The following RSPH4A variants were observed in gnomAD, a reference collection of about 807,000 sequenced individuals.
RSPH4A encodes radial spoke head protein 4 homolog A.
Under a neutral mutation model 71.0 loss-of-function variants are expected in RSPH4A, and 47 were observed. The observed-to-expected ratio is 0.66, with a 90% CI of 0.52 to 0.84. The LOEUF (loss-of-function observed/expected upper bound fraction) is 0.84, where lower values mean the gene tolerates loss of function less well. RSPH4A is among the 40% of genes least tolerant of loss of function. The probability of loss-of-function intolerance (pLI) is 0.00; values close to 1 mark genes in which losing one functional copy is unlikely to be tolerated. For missense variants in RSPH4A, 793 were observed against 855.2 expected (o/e 0.93, Z 0.91); for synonymous variants, 282 against 302.3 (o/e 0.93, Z 0.70).
chr6:116,630,081 A>G (rs1025765877), intron 4 of RSPH4A, among the ~76,000 whole-genome samples: 3 of 152,120 alleles, frequency 2.0e-5, no homozygotes, highest in African/African-American at 7.2e-5. Flanking sequence ...CTTTCCCTTC[A>G]GTTTTGGAGT....
At chr6:116,626,726 A>G (rs1395052480) in intron 2 of RSPH4A, among the ~76,000 whole-genome samples, 1 of 147,620 alleles carries the variant, frequency 6.8e-6, no homozygotes, top group Non-Finnish European at 1.5e-5. Flanking sequence ...AATTTTTCTC[A>G]TTATTTTAAA....
In RSPH4A at chr6:116,616,634, C is replaced by G. The variant is rs1554247978; in HGVS notation, c.11C>G (p.Ser4Ter). Residue 4 changes from serine (S) to a stop codon, truncating the protein, a stop_gained, in exon 1 of 6, where the codon TCA becomes TGA. Transcript: ENST00000229554. LOFTEE classifies it high-confidence loss of function. ...TCTTGAACTGCTTCCATGGAGGACT[C>G]AACCTCCCCGAAGCAAGAAAAAGAA... MED[S>*]TSPKQEKENQ... is the part of the protein sequence containing the mutation. The G allele has an allele frequency of 6.2e-7, 1 of 1,612,904 alleles. No individual in the cohort carries two copies. The highest frequency in any genetic ancestry group is 8.5e-7 in the Non-Finnish European group (1 of 1,179,320).
intron 2 of RSPH4A, among the ~76,000 whole-genome samples, chr6:116,626,662 TC>T: frequency 6.6e-6 from 1 of 152,296 alleles, no homozygotes; most frequent in East Asian, 1.9e-4. Flanking sequence ...GTTTCTATGG[TC>T]CATTTAAGAC....
Position 116,617,041 on chromosome 6 carries a change from C to A in RSPH4A, c.418C>A (p.His140Asn), listed in dbSNP as rs753180816. The change falls in exon 1 of 6, where the codon CAT becomes AAT. Residue 140 changes from histidine to asparagine, a missense_variant. Transcript: ENST00000229554. ...QSSDKRESTPHHTSQSEGNTF... is the reference protein window; with the variant it reads ...QSSDKRESTPNHTSQSEGNTF... ...ATCTGATAAAAGAGAATCAACTCCT[C>A]ATCACACAAGCCAGTCAGAAGGAAA... 7 of 1,614,228 alleles carry A rather than the reference C, an allele frequency of 4.3e-6. No individual in the cohort carries two copies. The highest frequency in any genetic ancestry group is 5.9e-6 in the Non-Finnish European group (7 of 1,180,048).
chr6:116,626,590 C>T (rs1472779131), intron 2 of RSPH4A, among the ~76,000 whole-genome samples: 1 of 152,162 alleles, frequency 6.6e-6, no homozygotes, highest in Non-Finnish European at 1.5e-5. Context: ...ATCCACCTGG[C>T]TCGGCCTCCC....
At chr6:116,623,097 CTTGTTTTGTTTTGTT>C (rs3033963) in intron 2 of RSPH4A, 95 bp downstream of exon 2, 4 of 762,666 alleles carry the variant, frequency 5.2e-6, no homozygotes, top group South Asian at 1.6e-5. Context: ...TATTTTATAG[CTTGTTTTGTTTTGTT>C]TTGTTTTGTT....
intron 3 of RSPH4A, 102 bp downstream of exon 3, chr6:116,628,471 CTATT>C (rs576285855): frequency 1.8e-4 from 162 of 899,908 alleles, no homozygotes; most frequent in African/African-American, 1.5e-3. Flanking sequence ...CCTTTGGACT[CTATT>C]TAATAGGCAG....
rs773564556 is a variant in RSPH4A at position 116,628,213 on chromosome 6, T to TGGA, written c.1506_1507insGGA (p.Phe502_Tyr503insGly). The TGGA allele has an allele frequency of 1.9e-6, 3 of 1,613,916 alleles. No homozygotes were observed. Among genetic ancestry groups the TGGA allele is most frequent in the Non-Finnish European group, 2.5e-6 (3 of 1,179,858 alleles). ...GAACCCACGTCAGTCCTCTAGGATTTTATCAGTTTGGTGAAGAGGAAGGAG... is the reference window on the plus strand; with the variant it reads ...GAACCCACGTCAGTCCTCTAGGATTTGGATATCAGTTTGGTGAAGAGGAAGGAG... On this transcript the variant is annotated inframe_insertion, in exon 3 of 6. Coordinates refer to ENST00000229554, the MANE Select transcript of RSPH4A (RefSeq NM_001010892.3).
chr6:116,627,668 T>A lies in RSPH4A; in HGVS notation c.961T>A (p.Tyr321Asn). 6.2e-7 allele frequency: 1 copy of A among 1,614,226 alleles called. No homozygotes were observed. Among genetic ancestry groups the A allele is most frequent in the Non-Finnish European group, 8.5e-7 (1 of 1,180,054 alleles). Residue 321 changes from tyrosine to asparagine, a missense_variant, in exon 3 of 6, where the codon TAT (tyrosine) becomes AAT (asparagine). By Grantham distance (143) the Tyr-to-Asn change is moderately radical. Transcript: ENST00000229554. ...TCCAAATGTAATGGAGTCAGCTTTT[T>A]ATTTTGAACAAGCTGGAGTTGGTTT... ...ALPNVMESAF[Y>N]FEQAGVGLGT... is the part of the protein sequence containing the mutation.
chr6:116,617,910 GT>G, intron 1 of RSPH4A, among the ~76,000 whole-genome samples: 1 of 152,242 alleles, frequency 6.6e-6, no homozygotes, highest in East Asian at 1.9e-4. Context: ...GTCTACATAT[GT>G]TCTGCCCATC....
Position 116,627,783 on chromosome 6 carries a change from T to A in RSPH4A, c.1076T>A (p.Ile359Asn). 6.2e-7 allele frequency: 1 copy of A among 1,614,068 alleles called. No homozygotes were observed. The highest frequency in any genetic ancestry group is 8.5e-7 in the Non-Finnish European group (1 of 1,180,014). ...CAAAGATGCCGCTTCTGGGGAAAGA[T>A]CTTGGGTCTGGAAATGAATTATATT... ...PIQRCRFWGKILGLEMNYIVA... is the reference protein window; with the variant it reads ...PIQRCRFWGKNLGLEMNYIVA... The change falls in exon 3 of 6, where the codon ATC becomes AAC. Residue 359 changes from isoleucine (I) to asparagine (N), a missense_variant. By Grantham distance (149) the Ile-to-Asn change is moderately radical. Coordinates refer to ENST00000229554, the MANE Select transcript of RSPH4A (RefSeq NM_001010892.3).
Position 116,628,476 on chromosome 6 carries a change from T to TAATA in RSPH4A, c.1662+108_1662+111dup. On this transcript the variant is annotated intron_variant, in intron 3 of 5. Coordinates refer to ENST00000229554, the MANE Select transcript of RSPH4A (RefSeq NM_001010892.3). ...AAAATAAAGGCCTTTGGACTCTATT[T>TAATA]AATAGGCAGGAAAAGAGATAATTAA... 3.5e-6 allele frequency: 3 copies of TAATA among 865,628 alleles called. No individual in the cohort carries two copies. The Middle Eastern group carries it at 7.0e-4, about 203-fold the overall frequency. The allele number at this position is 865,628 out of a possible 1,614,324, so 53.6% of individuals were successfully genotyped here.
chr6:116,626,985 A>C (rs1326868215), intron 2 of RSPH4A, among the ~76,000 whole-genome samples: 1 of 152,158 alleles, frequency 6.6e-6, no homozygotes, highest in African/African-American at 2.4e-5. Flanking sequence ...GTTATTCTAC[A>C]TCTTCTTTTA....
chr6:116,625,009 G>T (rs1231610633), intron 2 of RSPH4A, among the ~76,000 whole-genome samples: 3 of 151,946 alleles, frequency 2.0e-5, no homozygotes, highest in African/African-American at 7.3e-5. Flanking sequence ...CAACTAGCTT[G>T]CTAGTTGTGT....
chr6:116,627,836 G>T lies in RSPH4A; in HGVS notation c.1129G>T (p.Glu377Ter). ...IVAEVEFREG[E>*]DEEEVEEEDV... ...AGCTGAAGTGGAATTTCGTGAGGGG[G>T]AAGATGAAGAGGAAGTGGAAGAGGA... Residue 377 changes from glutamate to a stop codon, truncating the protein, a stop_gained, in exon 3 of 6, where the codon GAA (glutamate) becomes TAA (stop). Coordinates refer to ENST00000229554, the MANE Select transcript of RSPH4A (RefSeq NM_001010892.3). LOFTEE classifies it high-confidence loss of function. The T allele has an allele frequency of 1.9e-6, 3 of 1,614,140 alleles. No individual in the cohort carries two copies. Among genetic ancestry groups the T allele is most frequent in the Non-Finnish European group, 2.5e-6 (3 of 1,179,986 alleles).
intron 4 of RSPH4A, 127 bp from the exon 5 acceptor site, chr6:116,630,296 TTTTTTCTTTCTG>T (rs1255943825): frequency 1.4e-6 from 1 of 727,242 alleles, no homozygotes; most frequent in Non-Finnish European, 2.5e-6. Context: ...GTTGCTGCTG[TTTTTTCTTTCTG>T]TATCAAGTAT....
chr6:116,617,002 C>A lies in RSPH4A; in HGVS notation c.379C>A (p.Pro127Thr). 1 of 1,614,232 alleles carries A rather than the reference C, an allele frequency of 6.2e-7. No homozygotes were observed. Among genetic ancestry groups the A allele is most frequent in the South Asian group, 1.1e-5 (1 of 91,090 alleles). ...TGAAGCTGGGACACCTTATCCTGAT[C>A]CTTTGGAACAATCATCTGATAAAAG... ...IPEAGTPYPD[P>T]LEQSSDKRES... The change falls in exon 1 of 6, where the codon CCT (proline) becomes ACT (threonine). Residue 127 changes from proline (P) to threonine (T), a missense_variant. Transcript: ENST00000229554.
At chr6:116,630,839 A>ATTTTTT in intron 5 of RSPH4A, among the ~76,000 whole-genome samples, 1 of 71,272 alleles carries the variant, frequency 1.4e-5, no homozygotes, top group South Asian at 5.2e-4. Context: ...TGCCCAGCTA[A>ATTTTTT]TTTTTGTATT....
At position 116,616,559 on chromosome 6, in the gene RSPH4A, A is replaced by T; in HGVS notation, c.-65A>T. On this transcript the variant is annotated 5_prime_UTR_variant, in exon 1 of 6. Coordinates refer to ENST00000229554, the MANE Select transcript of RSPH4A (RefSeq NM_001010892.3). Reference sequence around the variant, plus strand: ...AGACCGCGGCAAAGTAACTTAACTGAGTTGCCTTCTTCCATATTTTCACGC... The same window carrying T: ...AGACCGCGGCAAAGTAACTTAACTGTGTTGCCTTCTTCCATATTTTCACGC... The T allele has an allele frequency of 4.4e-6, 6 of 1,372,650 alleles. No individual in the cohort carries two copies. Among genetic ancestry groups the T allele is most frequent in the Non-Finnish European group, 5.1e-6 (5 of 982,960 alleles). The allele number at this position is 1,372,650 out of a possible 1,614,324, so 85.0% of individuals were successfully genotyped here.
Sources: allele counts gnomAD v4.1 joint callset (sites outside exome capture counted in the v4.1 genomes callset), GRCh38; gene constraint gnomAD v4.1.1; transcripts MANE v1.5; gene names NCBI Gene and HGNC (gene_info 2026-07-23, HGNC 2026-07-21).